Variants in TRMT11 observed in about 807,000 individuals in gnomAD.
The protein encoded by TRMT11 is tRNA methyltransferase 11, also known as tRNA (guanine(10)-N(2))-methyltransferase TRMT11.
In TRMT11, 53 loss-of-function variants were observed where a neutral mutation model predicts 62.8. That is an observed-to-expected ratio of 0.84 (90% CI 0.68 to 1.06). The LOEUF (loss-of-function observed/expected upper bound fraction) is 1.06. Ranked by LOEUF, TRMT11 falls within the 50% of genes least tolerant of loss-of-function variation. The pLI is 0.00. For missense variants in TRMT11, 556 were observed against 553.4 expected (o/e 1.00, Z -0.05); for synonymous variants, 188 against 190.3 (o/e 0.99, Z 0.10).
intron 7 of TRMT11, among the ~76,000 whole-genome samples, chr6:125,999,950 A>G (rs6929234): frequency 0.022 from 3,314 of 152,304 alleles, 123 homozygotes; most frequent in African/African-American, 0.076. Flanking sequence ...CTCTTGGTGA[A>G]AGAAAGACTT....
intron 21 of TRMT11, among the ~76,000 whole-genome samples, chr6:126,117,621 A>T (rs988486424): frequency 1.3e-5 from 2 of 152,030 alleles, no homozygotes; most frequent in Admixed American, 6.6e-5. Context: ...TGAACCTTTC[A>T]TTCTGACCAT....
chr6:126,111,646 A>T (rs117083891), intron 17 of TRMT11, among the ~76,000 whole-genome samples: 2,457 of 152,224 alleles, frequency 0.016, 76 homozygotes, highest in Admixed American at 0.063. Context: ...TTATTTCTGC[A>T]GTTCACACAG....
chr6:126,052,123 T>C (rs1222699489), intron 16 of TRMT11, among the ~76,000 whole-genome samples: 7 of 152,208 alleles, frequency 4.6e-5, no homozygotes, highest in Non-Finnish European at 1.5e-5. Context: ...ACTGTGCCAC[T>C]TGAAGCTGCG....
At chr6:126,252,046 G>T in the TRMT11 span, among the ~76,000 whole-genome samples, 14 of 152,306 alleles carry the variant, frequency 9.2e-5, no homozygotes, top group African/African-American at 3.4e-4. Context: ...TGATTGTTGG[G>T]TAGCAAACTA....
chr6:126,163,286 C>T (rs996376468), intron 21 of TRMT11, among the ~76,000 whole-genome samples: 21 of 152,058 alleles, frequency 1.4e-4, no homozygotes, highest in Admixed American at 6.5e-4. Context: ...TGAATTTTAT[C>T]GAAGGCCTTT....
intron 3 of TRMT11, among the ~76,000 whole-genome samples, 168 bp downstream of exon 3, chr6:125,996,208 C>G (rs900651678): frequency 1.3e-5 from 2 of 152,108 alleles, no homozygotes; most frequent in Middle Eastern, 3.2e-3. Flanking sequence ...CTGCCGAAAC[C>G]AAGGATGAAA....
At chr6:126,028,443 C>CAGAA (rs1015917094) in intron 12 of TRMT11, among the ~76,000 whole-genome samples, 63 of 152,182 alleles carry the variant, frequency 4.1e-4, no homozygotes, top group African/African-American at 1.4e-3. Context: ...CATAGCAAGT[C>CAGAA]AGAAACCAAT....
chr6:126,266,261 A>G, the TRMT11 span, among the ~76,000 whole-genome samples: 1 of 152,160 alleles, frequency 6.6e-6, no homozygotes, highest in Non-Finnish European at 1.5e-5. Context: ...AGAAATTCCA[A>G]AATATATTTC....
downstream of TRMT11, among the ~76,000 whole-genome samples, chr6:126,205,888 T>C (rs1778784412): frequency 7.3e-6 from 1 of 137,068 alleles, no homozygotes; most frequent in Non-Finnish European, 1.5e-5. Flanking sequence ...TGCCTGCACA[T>C]GTGAGAGGGT....
intron 17 of TRMT11, among the ~76,000 whole-genome samples, chr6:126,100,327 C>T (rs888432856): frequency 8.5e-5 from 13 of 152,264 alleles, no homozygotes; most frequent in African/African-American, 3.1e-4. Flanking sequence ...TGTCTAGTCA[C>T]AATGCTGAGA....
intron 1 of TRMT11, among the ~76,000 whole-genome samples, chr6:126,190,641 C>T (rs1487817294): frequency 1.3e-5 from 2 of 152,104 alleles, no homozygotes; most frequent in African/African-American, 4.8e-5. Flanking sequence ...TCAGTCTCCA[C>T]CTCCATGAGA....
intron 7 of TRMT11, among the ~76,000 whole-genome samples, chr6:126,001,709 T>C (rs1447891581): frequency 2.6e-5 from 4 of 152,062 alleles, no homozygotes; most frequent in Non-Finnish European, 5.9e-5. Context: ...ACCACTCAGG[T>C]CGTCAGGTTT....
rs75466876 is a variant in TRMT11 at position 126,151,010 on chromosome 6, A to C, written c.*1824-23815A>C. Among the ~76,000 whole-genome samples, 1,491 of 152,312 alleles carry C rather than the reference A, an allele frequency of 9.8e-3. 26 individuals are homozygous for C. The highest frequency in any genetic ancestry group is 0.033 in the African/African-American group (1,369 of 41,560). On this transcript the variant is annotated intron_variant and NMD_transcript_variant, in intron 21 of 22. Transcript: ENST00000648977. Reference sequence around the variant, plus strand: ...CTAAATGGTTGGCTAGAGCAAAAGCATCATATTACATTTCTTAAGAAAGGA... The same window carrying C: ...CTAAATGGTTGGCTAGAGCAAAAGCCTCATATTACATTTCTTAAGAAAGGA...
At chr6:126,067,270 C>G (rs1776721791) in intron 17 of TRMT11, among the ~76,000 whole-genome samples, 1 of 151,618 alleles carries the variant, frequency 6.6e-6, no homozygotes, top group African/African-American at 2.4e-5. Flanking sequence ...TAAATTGTCA[C>G]AAAGTTAACC....
At chr6:126,211,886 C>A in the TRMT11 span, among the ~76,000 whole-genome samples, 1 of 152,024 alleles carries the variant, frequency 6.6e-6, no homozygotes, top group Non-Finnish European at 1.5e-5. Flanking sequence ...TTTTTTCTAA[C>A]TATTTTTTGT....
At chr6:126,007,714 G>T (rs927734809) in intron 7 of TRMT11, among the ~76,000 whole-genome samples, 7 of 151,930 alleles carry the variant, frequency 4.6e-5, no homozygotes, top group African/African-American at 1.2e-4. Flanking sequence ...TGTCTGGTCA[G>T]ATTGTATTGG....
intron 7 of TRMT11, among the ~76,000 whole-genome samples, chr6:126,001,622 T>A (rs73592123): frequency 0.078 from 11,896 of 152,122 alleles, 1,474 homozygotes; most frequent in African/African-American, 0.26. Flanking sequence ...ATTTTATTTT[T>A]TTTCTTGCTA....
intron 21 of TRMT11, among the ~76,000 whole-genome samples, chr6:126,138,088 T>C (rs1487331456): frequency 6.6e-6 from 1 of 151,872 alleles, no homozygotes; most frequent in Non-Finnish European, 1.5e-5. Context: ...ATTGTATATT[T>C]CAAAATAGCT....
chr6:126,089,415 A>T (rs766832225), intron 17 of TRMT11, among the ~76,000 whole-genome samples: 21 of 152,158 alleles, frequency 1.4e-4, no homozygotes, highest in Non-Finnish European at 2.5e-4. Flanking sequence ...CCCACCCTAC[A>T]TGTAATGTTA....
Sources: gnomAD v4.1 joint callset for allele counts (sites outside exome capture counted in the v4.1 genomes callset) on GRCh38, gnomAD v4.1.1 for gene constraint, MANE v1.5 for transcripts, NCBI Gene and HGNC (gene_info 2026-07-23, HGNC 2026-07-21) for gene names.